Variants in VEPH1 observed in about 807,000 individuals in gnomAD.
VEPH1 encodes the protein ventricular zone expressed PH domain containing 1, also known as ventricular zone-expressed PH domain-containing protein homolog 1.
In VEPH1, 80 loss-of-function variants were observed where a neutral mutation model predicts 85.2. That is an observed-to-expected ratio of 0.94 (90% CI 0.78 to 1.13). The LOEUF (loss-of-function observed/expected upper bound fraction) is 1.13. Among genes scored for constraint, VEPH1 ranks in the 50% most tolerant of loss-of-function variants. VEPH1 has a pLI of 0.00. For missense variants in VEPH1, 955 were observed against 980.5 expected (o/e 0.97, Z 0.35); for synonymous variants, 297 against 348.0 (o/e 0.85, Z 1.63).
rs2109190876 is a variant in VEPH1 at position 157,437,617 on chromosome 3, G to A, written c.530-9129C>T. On this transcript the variant is annotated intron_variant, in intron 4 of 13. Coordinates refer to ENST00000362010, the MANE Select transcript of VEPH1 (RefSeq NM_001167912.2). ...GCGCATGCTGCTGCAAGCCACGGAC[G>A]ACGTCCTGCGGGGCGAGCTGCAGAG... The A allele has an allele frequency of 4.5e-6, 7 of 1,563,152 alleles. No homozygotes were observed. The East Asian group carries it at 7.2e-5, about 16-fold the overall frequency.
At chr3:157,455,707 A>G (rs1002315402) in intron 4 of VEPH1, among the ~76,000 whole-genome samples, 1 of 152,144 alleles carries the variant, frequency 6.6e-6, no homozygotes, top group African/African-American at 2.4e-5. Flanking sequence ...TTAGCTTGCT[A>G]AGGATAATAG....
chr3:157,340,574 C>T (rs925507007), intron 9 of VEPH1, among the ~76,000 whole-genome samples: 1 of 152,198 alleles, frequency 6.6e-6, no homozygotes, highest in African/African-American at 2.4e-5. Context: ...GGCCTACCTG[C>T]CTCTGTAGAC....
chr3:157,494,791 A>T (rs938476639), intron 2 of VEPH1, among the ~76,000 whole-genome samples: 1 of 152,112 alleles, frequency 6.6e-6, no homozygotes, highest in African/African-American at 2.4e-5. Context: ...AGGAGGTGTC[A>T]TCCTGCCTTC....
At chr3:157,447,282 G>A (rs1235872777) in intron 4 of VEPH1, among the ~76,000 whole-genome samples, 1 of 152,158 alleles carries the variant, frequency 6.6e-6, no homozygotes, top group Non-Finnish European at 1.5e-5. Flanking sequence ...CCAAGATTTG[G>A]TTAACAATTT....
chr3:157,380,147 C>A (rs1257140594), intron 7 of VEPH1, among the ~76,000 whole-genome samples: 1 of 152,176 alleles, frequency 6.6e-6, no homozygotes, highest in Non-Finnish European at 1.5e-5. Flanking sequence ...CCCCATCACC[C>A]TGTTTTCTGC....
chr3:157,391,282 C>A (rs1729829966), intron 6 of VEPH1, among the ~76,000 whole-genome samples: 1 of 152,212 alleles, frequency 6.6e-6, no homozygotes, highest in Admixed American at 6.5e-5. Context: ...CCAAAAGAAT[C>A]CTGTGTCATC....
intron 9 of VEPH1, among the ~76,000 whole-genome samples, chr3:157,336,410 T>C (rs1722970050): frequency 6.6e-6 from 1 of 152,158 alleles, no homozygotes; most frequent in Admixed American, 6.5e-5. Context: ...TCAGCAGAAC[T>C]GGATAAAATG....
intron 4 of VEPH1, among the ~76,000 whole-genome samples, chr3:157,456,438 T>A (rs560902069): frequency 2.6e-5 from 4 of 152,324 alleles, no homozygotes; most frequent in Non-Finnish European, 5.9e-5. Flanking sequence ...CTTCATGAAA[T>A]TTTTGCACAT....
chr3:157,270,247 G>A (rs1714364507), intron 12 of VEPH1, among the ~76,000 whole-genome samples: 2 of 151,264 alleles, frequency 1.3e-5, no homozygotes, highest in Non-Finnish European at 2.9e-5. Context: ...ACTCCAGCCT[G>A]GGTGACAGAG....
chr3:157,278,290 G>A (rs1281098734), intron 12 of VEPH1, among the ~76,000 whole-genome samples: 1 of 152,168 alleles, frequency 6.6e-6, no homozygotes, highest in African/African-American at 2.4e-5. Flanking sequence ...CTTTAACTAA[G>A]TGAAGAAGGG....
intron 1 of VEPH1, among the ~76,000 whole-genome samples, chr3:157,502,015 G>A (rs998826978): frequency 1.3e-5 from 2 of 152,236 alleles, no homozygotes; most frequent in African/African-American, 2.4e-5. Context: ...GACTACAGGC[G>A]TTCCCATGGG....
intron 5 of VEPH1, among the ~76,000 whole-genome samples, chr3:157,422,280 G>T (rs1334996220): frequency 2.6e-5 from 4 of 152,294 alleles, no homozygotes; most frequent in African/African-American, 9.6e-5. Context: ...GGCTGATAAA[G>T]ATGAAGTGCA....
rs545570145 is a variant in VEPH1, at chr3:157,387,201, G to GT, written c.907-5826dup. ...CATTTTTTTCACTTTTTATTATTTT[G>GT]TTTTTTTAATACTACTACTCCAGTT... is the stretch of plus-strand genomic sequence containing the variant. On this transcript the variant is annotated intron_variant, in intron 6 of 13. Coordinates refer to ENST00000362010, the MANE Select transcript of VEPH1 (RefSeq NM_001167912.2). Among the ~76,000 whole-genome samples the GT allele has an allele frequency of 9.0e-3, 1,363 of 151,982 alleles. 12 individuals are homozygous for GT. The highest frequency in any genetic ancestry group is 0.015 in the Non-Finnish European group (1,015 of 67,934).
At chr3:157,452,644 A>G (rs1735065713) in intron 4 of VEPH1, among the ~76,000 whole-genome samples, 3 of 151,270 alleles carry the variant, frequency 2.0e-5, no homozygotes, top group Non-Finnish European at 4.4e-5. Context: ...GCATTATCTC[A>G]TGTCATTGTC....
chr3:157,463,330 C>T (rs757139523), intron 3 of VEPH1, among the ~76,000 whole-genome samples: 34 of 152,144 alleles, frequency 2.2e-4, no homozygotes, highest in African/African-American at 7.7e-4. Context: ...TTAAGTCAGT[C>T]GTGTTGAAAG....
At chr3:157,381,988 A>G (rs1490716652) in intron 6 of VEPH1, among the ~76,000 whole-genome samples, 1 of 152,080 alleles carries the variant, frequency 6.6e-6, no homozygotes, top group African/African-American at 2.4e-5. Flanking sequence ...ACCTCTCACA[A>G]CTATGTGAGC....
In VEPH1 at chr3:157,261,301, G is replaced by A. The variant is rs377432189; in HGVS notation, c.2335C>T (p.Arg779Cys). ...GCCCGGGGGAGAGAGCGGTCCCTGC[G>A]TTTCTTGGCCACAGCCTTCACACTC... ...VQSVKAVAKK[R>C]RDRSLPRAFE... Residue 779 changes from arginine (R) to cysteine (C), a missense_variant, in exon 14 of 14, where the codon CGC becomes TGC. Coordinates refer to ENST00000362010, the MANE Select transcript of VEPH1 (RefSeq NM_001167912.2). The A allele has an allele frequency of 1.4e-5, 23 of 1,613,580 alleles. No individual in the cohort carries two copies. The highest frequency in any genetic ancestry group is 6.7e-5 in the East Asian group (3 of 44,866).
intron 4 of VEPH1, among the ~76,000 whole-genome samples, chr3:157,452,251 A>T (rs1006518923): frequency 2.6e-5 from 4 of 152,178 alleles, no homozygotes; most frequent in Non-Finnish European, 5.9e-5. Context: ...GAAACAAGTC[A>T]TCATCTGCTG....
chr3:157,329,074 G>A (rs185290232), intron 9 of VEPH1, among the ~76,000 whole-genome samples: 229 of 152,272 alleles, frequency 1.5e-3, no homozygotes, highest in Middle Eastern at 0.01. Flanking sequence ...CTTTTAAGTC[G>A]AAGAGGGATT....
Sources: gnomAD v4.1 joint callset for allele counts (sites outside exome capture counted in the v4.1 genomes callset) on GRCh38, gnomAD v4.1.1 for gene constraint, MANE v1.5 for transcripts, NCBI Gene and HGNC (gene_info 2026-07-23, HGNC 2026-07-21) for gene names.